Variants in RAD52 observed in about 807,000 individuals in gnomAD.
RAD52 encodes DNA repair protein RAD52 homolog.
RAD52 carries 47 observed loss-of-function variants against 55.5 expected under a neutral mutation model. That is an observed-to-expected ratio of 0.85 (90% CI 0.67 to 1.08). RAD52 has a LOEUF of 1.08. Among genes scored for constraint, RAD52 ranks in the 50% least tolerant of loss-of-function variants. The pLI is 0.00. For synonymous variants in RAD52, 184 were observed against 198.9 expected (o/e 0.92, Z 0.63); for missense variants, 468 against 522.8 (o/e 0.90, Z 1.02).
chr12:936,676 T>C (rs889665588), intron 1 of RAD52: 2 of 152,064 alleles, frequency 1.3e-5, no homozygotes, highest in African/African-American at 4.8e-5. Flanking sequence ...TTAAAATTTT[T>C]TTAGAGATGA....
chr12:952,710 G>A (rs1482836488), upstream of RAD52, among the ~76,000 whole-genome samples: 5 of 150,356 alleles, frequency 3.3e-5, no homozygotes, highest in African/African-American at 7.4e-5. Context: ...TGGCCAACAC[G>A]GTAAAACCCC....
Position 971,786 on chromosome 12 carries a change from C to T in RAD52, c.-19+18023G>A, listed in dbSNP as rs563666396. Among the ~76,000 whole-genome samples, 144 of 151,758 alleles carry T rather than the reference C, an allele frequency of 9.5e-4. 5 individuals carry two copies. The South Asian group carries it at 0.028, about 29-fold the overall frequency. On this transcript the variant is annotated intron_variant, in intron 1 of 11. Coordinates refer to the RAD52 transcript ENST00000430095. ...TTTTTTTGAGACGGAGTCTCGCTGT[C>T]GCCCAGGCTGGAGTGCAGTGGCGCG...
At chr12:925,675 G>A (rs1008195700) in intron 6 of RAD52, 150 bp from the exon 7 acceptor site, 5 of 652,018 alleles carry the variant, frequency 7.7e-6, no homozygotes, top group African/African-American at 1.8e-5. Flanking sequence ...TGTCTGGTAA[G>A]CATCTAGCAT....
chr12:986,762 T>A (rs1006609288), intron 1 of RAD52, among the ~76,000 whole-genome samples: 53 of 149,388 alleles, frequency 3.5e-4, no homozygotes, highest in Non-Finnish European at 4.2e-4. Flanking sequence ...TTTTTTTTTT[T>A]ATCATAGTAA....
At chr12:919,162 C>T (rs911141184) in intron 7 of RAD52, among the ~76,000 whole-genome samples, 1 of 152,134 alleles carries the variant, frequency 6.6e-6, no homozygotes, top group South Asian at 2.1e-4. Context: ...CAGCTGTGCT[C>T]ACTTAGGAAA....
intron 1 of RAD52, among the ~76,000 whole-genome samples, chr12:961,075 T>C (rs1958676099): frequency 6.6e-6 from 1 of 151,650 alleles, no homozygotes; most frequent in Non-Finnish European, 1.5e-5. Context: ...CCCAGCACTT[T>C]GGGAGGCAGA....
Position 914,458 on chromosome 12 carries a change from GGAA to G in RAD52, c.937_939del (p.Phe313del). Reference sequence around the variant, plus strand: ...ATTAATTCTTGAGTCACTCCTGCAAGGAAGTCTTTCTCCAGGAGTGGTTCTGAG... The same window carrying G: ...ATTAATTCTTGAGTCACTCCTGCAAGGTCTTTCTCCAGGAGTGGTTCTGAG... On this transcript the variant is annotated inframe_deletion, in exon 10 of 12. Transcript: ENST00000358495. 6.2e-7 allele frequency: 1 copy of G among 1,613,748 alleles called. No individual in the cohort carries two copies. The highest frequency in any genetic ancestry group is 1.3e-5 in the African/African-American group (1 of 75,032).
At chr12:930,231 C>T in intron 3 of RAD52, 87 bp from the exon 4 acceptor site, 1 of 1,106,650 alleles carries the variant, frequency 9.0e-7, no homozygotes, top group Non-Finnish European at 1.3e-6. Context: ...ATTTATTCCT[C>T]ATCTACTTTT....
Position 925,441 on chromosome 12 carries a change from C to G in RAD52, c.543+9G>C, listed in dbSNP as rs1190724435. The G allele has an allele frequency of 3.1e-6, 5 of 1,609,332 alleles. No homozygotes were observed. Among genetic ancestry groups the G allele is most frequent in the Non-Finnish European group, 3.4e-6 (4 of 1,175,626 alleles). On this transcript the variant is annotated intron_variant, in intron 7 of 11. Coordinates refer to ENST00000358495, the MANE Select transcript of RAD52 (RefSeq NM_134424.4). ...TTATCTTCACTCCACTCATCCATGT[C>G]TGATATACCTGGCGTGGAAGCTTAT...
intron 1 of RAD52, among the ~76,000 whole-genome samples, chr12:942,366 A>T (rs542660289): frequency 6.6e-6 from 1 of 152,336 alleles, no homozygotes; most frequent in African/African-American, 2.4e-5. Context: ...CTGGATATCT[A>T]TATGGAAAAG....
intron 7 of RAD52, among the ~76,000 whole-genome samples, chr12:918,580 A>T (rs1956536507): frequency 6.6e-6 from 1 of 151,730 alleles, no homozygotes; most frequent in Non-Finnish European, 1.5e-5. Context: ...TTTTATTTTT[A>T]TTTTTATTTC....
At chr12:985,018 C>T (rs1360837570) in intron 1 of RAD52, among the ~76,000 whole-genome samples, 1 of 152,106 alleles carries the variant, frequency 6.6e-6, no homozygotes, top group African/African-American at 2.4e-5. Context: ...ACAGTATTAG[C>T]CAGGATGGTC....
Position 968,231 on chromosome 12 carries a change from A to T in RAD52, c.-19+21578T>A, listed in dbSNP as rs924134578. Among the ~76,000 whole-genome samples, 5 of 152,150 alleles carry T rather than the reference A, an allele frequency of 3.3e-5. 1 individual carries two copies. The highest frequency in any genetic ancestry group is 1.2e-4 in the African/African-American group (5 of 41,370). ...GCTTGCAGCAATCTGGGAGGCATTT[A>T]TCAAGACAAATGGTTGAATCTTAGT... On this transcript the variant is annotated intron_variant, in intron 1 of 11. Transcript: ENST00000430095.
intron 2 of RAD52, among the ~76,000 whole-genome samples, chr12:931,992 C>G (rs1957347998): frequency 6.6e-6 from 1 of 152,200 alleles, no homozygotes; most frequent in Admixed American, 6.5e-5. Context: ...GTGGACAAAG[C>G]AAGAAACTCT....
chr12:923,487 G>A (rs1441855853), intron 7 of RAD52, among the ~76,000 whole-genome samples: 1 of 151,736 alleles, frequency 6.6e-6, no homozygotes, highest in Non-Finnish European at 1.5e-5. Flanking sequence ...TTGGGCCCAG[G>A]AGTGCAAGGA....
Position 931,213 on chromosome 12 carries a change from C to A in RAD52, c.186+7G>T, listed in dbSNP as rs137881285. 12 of 1,610,240 alleles carry A rather than the reference C, an allele frequency of 7.5e-6. No individual in the cohort carries two copies. In the East Asian group the frequency reaches 2.5e-4, roughly 33 times the overall value. On this transcript the variant is annotated splice_region_variant and intron_variant, in intron 3 of 11. Transcript: ENST00000358495. ...TGCCTGCTTTCCAGGCACATGAATTCTCCTACCTTCTGGCCTCCGCCAGCC... is the reference window on the plus strand; with the variant it reads ...TGCCTGCTTTCCAGGCACATGAATTATCCTACCTTCTGGCCTCCGCCAGCC...
intron 1 of RAD52, among the ~76,000 whole-genome samples, chr12:969,604 C>T (rs549757863): frequency 6.6e-6 from 1 of 151,276 alleles, no homozygotes; most frequent in Admixed American, 6.6e-5. Flanking sequence ...CTGGGCAACA[C>T]AGGGAGCCCC....
chr12:990,738 G>C (rs1232953971), upstream of RAD52: 3 of 152,228 alleles, frequency 2.0e-5, no homozygotes, highest in Non-Finnish European at 4.4e-5. Context: ...TCCCGGCGCT[G>C]CTCCCGCGGC....
At chr12:918,140 G>C (rs1052970158) in intron 7 of RAD52, among the ~76,000 whole-genome samples, 3 of 152,124 alleles carry the variant, frequency 2.0e-5, no homozygotes, top group African/African-American at 7.2e-5. Flanking sequence ...GAGTGCAACT[G>C]TACAGCAAAA....
Sources: gnomAD v4.1 joint callset for allele counts (sites outside exome capture counted in the v4.1 genomes callset) on GRCh38, gnomAD v4.1.1 for gene constraint, MANE v1.5 for transcripts, NCBI Gene and HGNC (gene_info 2026-07-23, HGNC 2026-07-21) for gene names.